The following LIMA1 variants were observed in gnomAD, a reference collection of about 807,000 sequenced individuals.
LIMA1 encodes LIM domain and actin binding 1.
In LIMA1, 52 loss-of-function variants were observed where a neutral mutation model predicts 62.6. That is an observed-to-expected ratio of 0.83 (90% CI 0.67 to 1.05). The LOEUF is 1.05. Ranked by LOEUF, LIMA1 falls within the 50% of genes least tolerant of loss-of-function variation. LIMA1 has a pLI of 0.00. For synonymous variants in LIMA1, 302 were observed against 317.8 expected, an observed-to-expected ratio of 0.95 and a Z score of 0.53; for missense variants, 780 against 902.2, an observed-to-expected ratio of 0.86 and a Z score of 1.74.
chr12:50,278,818 A>C (rs1942304305), intron 1 of LIMA1, among the ~76,000 whole-genome samples: 1 of 152,106 alleles, frequency 6.6e-6, no homozygotes, highest in Non-Finnish European at 1.5e-5. Context: ...CAGACACAAA[A>C]CTATATCTAC....
At chr12:50,200,313 C>T (rs2138465779) in intron 7 of LIMA1, among the ~76,000 whole-genome samples, 1 of 151,948 alleles carries the variant, frequency 6.6e-6, no homozygotes, top group South Asian at 2.1e-4. Context: ...AAGCGATTCT[C>T]CTGCCACAGC....
At chr12:50,193,578 T>TC (rs1940843252) in intron 8 of LIMA1, among the ~76,000 whole-genome samples, 1 of 134,948 alleles carries the variant, frequency 7.4e-6, no homozygotes, top group African/African-American at 2.9e-5. Context: ...ATGATATATA[T>TC]ATACATGTAT....
intron 4 of LIMA1, among the ~76,000 whole-genome samples, chr12:50,207,081 T>A (rs1381470381): frequency 6.6e-6 from 1 of 152,038 alleles, no homozygotes; most frequent in Non-Finnish European, 1.5e-5. Flanking sequence ...CCTGCCACCA[T>A]GCTCAGCTAA....
chr12:50,206,201 T>A (rs1362984), intron 4 of LIMA1, 133 bp from the exon 5 acceptor site: 379,358 of 626,168 alleles, frequency 0.61, 120,389 homozygotes, highest in East Asian at 0.92. Flanking sequence ...GAATTTTTTT[T>A]AAATTACAAA....
chr12:50,211,841 T>C (rs1941262886), intron 4 of LIMA1, among the ~76,000 whole-genome samples: 1 of 152,050 alleles, frequency 6.6e-6, no homozygotes, highest in Non-Finnish European at 1.5e-5. Flanking sequence ...TACTCTTCTG[T>C]AACAGACTTT....
At chr12:50,180,384 A>G (rs1940470737) in intron 10 of LIMA1, among the ~76,000 whole-genome samples, 1 of 151,920 alleles carries the variant, frequency 6.6e-6, no homozygotes, top group South Asian at 2.1e-4. Context: ...CTGAGGCATG[A>G]GAATCGCTTG....
intron 1 of LIMA1, among the ~76,000 whole-genome samples, chr12:50,263,108 G>A (rs1380576441): frequency 6.6e-6 from 1 of 152,150 alleles, no homozygotes; most frequent in Non-Finnish European, 1.5e-5. Flanking sequence ...ACAATGACTC[G>A]TGATAATAAA....
chr12:50,277,354 C>T (rs1179577735), intron 1 of LIMA1, among the ~76,000 whole-genome samples: 1 of 152,118 alleles, frequency 6.6e-6, no homozygotes, highest in East Asian at 1.9e-4. Context: ...CCGGTGGACA[C>T]TGCCTTTACT....
At chr12:50,239,554 C>G (rs1278921946) in intron 2 of LIMA1, among the ~76,000 whole-genome samples, 1 of 152,130 alleles carries the variant, frequency 6.6e-6, no homozygotes, top group African/African-American at 2.4e-5. Context: ...GTGGGAGGAT[C>G]GCTTGAACCT....
intron 1 of LIMA1, among the ~76,000 whole-genome samples, chr12:50,273,663 G>A (rs1942241871): frequency 1.3e-5 from 2 of 152,156 alleles, no homozygotes; most frequent in African/African-American, 4.8e-5. Context: ...GAAACCTTTT[G>A]TTTAAAGCTG....
intron 2 of LIMA1, among the ~76,000 whole-genome samples, chr12:50,234,793 C>T (rs768204194): frequency 1.2e-4 from 18 of 152,058 alleles, no homozygotes; most frequent in Non-Finnish European, 1.9e-4. Flanking sequence ...CTGGGCGGAT[C>T]GCTTGAACCC....
chr12:50,241,933 ATTTTTTTTTTTTTTTTTTTTTTTT>A lies in LIMA1; in HGVS notation c.119+6676_119+6699del, dbSNP rs577308413. On this transcript the variant is annotated intron_variant, in intron 2 of 10. Coordinates refer to ENST00000341247, the MANE Select transcript of LIMA1 (RefSeq NM_016357.5). Reference sequence around the variant, plus strand: ...AATTTTGTTCCTCTTTCCTTCCCAGATTTTTTTTTTTTTTTTTTTTTTTTTTTTTTTTTTTTTTTGCGGTCCAGC... The same window carrying A: ...AATTTTGTTCCTCTTTCCTTCCCAGATTTTTTTTTTTTTTTGCGGTCCAGC... Among the ~76,000 whole-genome samples, 28 of 36,434 alleles carry A rather than the reference ATTTTTTTTTTTTTTTTTTTTTTTT, an allele frequency of 7.7e-4. 1 individual carries two copies. In the East Asian group the frequency reaches 0.024, roughly 31 times the overall value. 23.9% of individuals were successfully genotyped at this position (36,434 alleles called of 152,430 possible). A position where few individuals can be genotyped will look rare whatever the true frequency, so the allele number is the denominator to read the frequency against.
chr12:50,235,665 T>G (rs1170276181), intron 2 of LIMA1, among the ~76,000 whole-genome samples: 2 of 152,066 alleles, frequency 1.3e-5, no homozygotes, highest in African/African-American at 4.8e-5. Flanking sequence ...TCTAATGGGG[T>G]AGGGTAAAAG....
At chr12:50,218,895 T>TTAAAAAA (rs1941394468) in intron 4 of LIMA1, among the ~76,000 whole-genome samples, 1 of 73,998 alleles carries the variant, frequency 1.4e-5, no homozygotes, top group African/African-American at 4.9e-5. Context: ...CCTATCTCCA[T>TTAAAAAA]AAAAAAAAAA....
At chr12:50,263,878 A>G (rs1354211408) in intron 1 of LIMA1, among the ~76,000 whole-genome samples, 2 of 121,382 alleles carry the variant, frequency 1.6e-5, no homozygotes, top group African/African-American at 3.2e-5. Context: ...TATATATATA[A>G]AGTATATATA....
chr12:50,190,622 C>T (rs1306795251), intron 9 of LIMA1, among the ~76,000 whole-genome samples: 33 of 148,572 alleles, frequency 2.2e-4, no homozygotes, highest in Admixed American at 4.0e-4. Flanking sequence ...TCAGGTGATC[C>T]GCCCGTCTCA....
chr12:50,180,348 G>A (rs1025164804), intron 10 of LIMA1, among the ~76,000 whole-genome samples: 3 of 151,582 alleles, frequency 2.0e-5, no homozygotes, highest in Admixed American at 1.3e-4. Context: ...GGTGGTGCCC[G>A]CCTGTAATCC....
chr12:50,236,259 TAAC>T (rs1941691601), intron 2 of LIMA1, among the ~76,000 whole-genome samples: 1 of 151,672 alleles, frequency 6.6e-6, no homozygotes, highest in Admixed American at 6.6e-5. Context: ...CAAACAATGC[TAAC>T]AACATTTTAC....
At chr12:50,224,854 C>G (rs958573347) in intron 3 of LIMA1, among the ~76,000 whole-genome samples, 4 of 151,518 alleles carry the variant, frequency 2.6e-5, no homozygotes, top group African/African-American at 9.7e-5. Context: ...ACCTCAGCCT[C>G]CTGAGTAGCT....
Sources: gnomAD v4.1 joint callset for allele counts (sites outside exome capture counted in the v4.1 genomes callset) on GRCh38, gnomAD v4.1.1 for gene constraint, MANE v1.5 for transcripts, NCBI Gene and HGNC (gene_info 2026-07-23, HGNC 2026-07-21) for gene names.